RAB8B: variants seen among roughly 807,000 people sequenced by gnomAD.
RAB8B encodes the protein ras-related protein Rab-8B.
In RAB8B, 11 loss-of-function variants were observed where a neutral mutation model predicts 32.0. The ratio of observed to expected loss-of-function variants is 0.34; its 90% CI spans 0.22 to 0.57. The LOEUF (loss-of-function observed/expected upper bound fraction) is 0.57, where lower values mean the gene tolerates loss of function less well. RAB8B is among the 20% of genes least tolerant of loss of function. The pLI, the probability that RAB8B is intolerant of heterozygous loss-of-function variation, is 0.86. For synonymous variants in RAB8B, 103 were observed against 89.6 expected (o/e 1.15, Z -0.85); for missense variants, 190 against 258.5 (o/e 0.73, Z 1.82).
At chr15:63,216,228 ATTAT>A (rs1290862107) in intron 1 of RAB8B, among the ~76,000 whole-genome samples, 1 of 23,270 alleles carries the variant, frequency 4.3e-5, no homozygotes, top group African/African-American at 9.9e-5. Context: ...TAATTAATTA[ATTAT>A]TATTTTTTTT....
rs1485819635 is a variant in RAB8B at position 63,248,063 on chromosome 15, G to T, written c.186-1582G>T. On this transcript the variant is annotated intron_variant, in intron 2 of 7. Transcript: ENST00000321437. This position sits in a 1 kb window ranked among gnomAD's most constrained non-coding sequence, Gnocchi z 4.4. The stretch of plus-strand genomic sequence containing the variant: ...AAATATGGTTAGTCTGCTAAAAAGT[G>T]CTTGCCTTCCATTTCCCCATGATTT... Among the ~76,000 whole-genome samples, 2 of 152,228 alleles carry T rather than the reference G, an allele frequency of 1.3e-5. No individual in the cohort carries two copies. Among genetic ancestry groups the T allele is most frequent in the African/African-American group, 2.4e-5 (1 of 41,456 alleles).
intron 1 of RAB8B, among the ~76,000 whole-genome samples, chr15:63,215,741 A>C (rs1242611482): frequency 2.6e-5 from 4 of 152,172 alleles, no homozygotes; most frequent in Non-Finnish European, 5.9e-5. Context: ...TTGCCCTTAA[A>C]ATTTTACCCT....
intron 3 of RAB8B, 138 bp downstream of exon 3, chr15:63,249,843 A>C: frequency 1.0e-6 from 1 of 996,134 alleles, no homozygotes; most frequent in Non-Finnish European, 1.4e-6. Context: ...GACATTTAAA[A>C]GGTTTTTTGG....
chr15:63,207,291 G>GCA (rs1392310653), intron 1 of RAB8B, among the ~76,000 whole-genome samples: 17 of 152,088 alleles, frequency 1.1e-4, no homozygotes, highest in Admixed American at 1.1e-3. Context: ...GCAGTGCGGG[G>GCA]CACGTATAAG....
intron 2 of RAB8B, 65 bp downstream of exon 2, chr15:63,244,881 A>C: frequency 7.3e-7 from 1 of 1,378,944 alleles, no homozygotes; most frequent in East Asian, 2.3e-5. Flanking sequence ...TTAAATGTGA[A>C]TTGTAATAAG....
intron 1 of RAB8B, among the ~76,000 whole-genome samples, chr15:63,240,245 G>C (rs2038020977): frequency 1.3e-5 from 2 of 152,152 alleles, no homozygotes; most frequent in South Asian, 4.1e-4. Flanking sequence ...TTAGACCAGG[G>C]AGAGATGTTG....
intron 1 of RAB8B, among the ~76,000 whole-genome samples, chr15:63,232,516 T>C (rs980551968): frequency 6.6e-6 from 1 of 152,338 alleles, no homozygotes; most frequent in South Asian, 2.1e-4. Flanking sequence ...GAATTGAATT[T>C]AATTTAGTAA....
rs1398703002 is a variant in RAB8B, at chr15:63,256,487, G to T, written c.325-18G>T. 2 of 1,566,864 alleles carry T rather than the reference G, an allele frequency of 1.3e-6. No homozygotes were observed. Among genetic ancestry groups the T allele is most frequent in the African/African-American group, 2.8e-5 (2 of 72,212 alleles). Reference sequence around the variant, plus strand: ...TTTTCTCAGGCTGTTTTTATAGCATGCTATTTTCTCCCTGCAGCATGCCTC... The same window carrying T: ...TTTTCTCAGGCTGTTTTTATAGCATTCTATTTTCTCCCTGCAGCATGCCTC... On this transcript the variant is annotated intron_variant, in intron 4 of 7. Transcript: ENST00000321437.
At chr15:63,238,795 T>A (rs2038006181) in intron 1 of RAB8B, among the ~76,000 whole-genome samples, 1 of 152,150 alleles carries the variant, frequency 6.6e-6, no homozygotes, top group Non-Finnish European at 1.5e-5. Context: ...AGAGAATGGA[T>A]TTAGATTAAT....
chr15:63,267,495 CTGTT>C lies in RAB8B; in HGVS notation c.*3879_*3882del, dbSNP rs2038258302. The C allele has an allele frequency of 6.6e-6, 1 of 152,186 alleles. No homozygotes were observed. Among genetic ancestry groups the C allele is most frequent in the Admixed American group, 6.5e-5 (1 of 15,292 alleles). The allele number at this position is 152,186 out of a possible 1,614,324, so 9.4% of individuals were successfully genotyped here. A position where few individuals can be genotyped will look rare whatever the true frequency, so the allele number is the denominator to read the frequency against. Reference sequence around the variant, plus strand: ...TTCCTTTCATGCAAAATACCATAAACTGTTTGATGAAAATCATGCCCCTAATGGA... The same window carrying C: ...TTCCTTTCATGCAAAATACCATAAACTGATGAAAATCATGCCCCTAATGGA... On this transcript the variant is annotated 3_prime_UTR_variant, in exon 8 of 8. Transcript: ENST00000321437.
At chr15:63,230,281 T>C (rs751044559) in intron 1 of RAB8B, among the ~76,000 whole-genome samples, 1 of 152,192 alleles carries the variant, frequency 6.6e-6, no homozygotes, top group Admixed American at 6.5e-5. Flanking sequence ...TGTTTGTTTA[T>C]TTTATAATCT....
rs564155318 is a variant in RAB8B, at chr15:63,197,517, G to A, written c.124+7769G>A. Among the ~76,000 whole-genome samples the A allele has an allele frequency of 2.4e-4, 36 of 151,636 alleles. 1 individual carries two copies. The highest frequency in any genetic ancestry group is 1.7e-3 in the Admixed American group (26 of 15,236). ...GCCTCTGGAGTAGCTGGGACCCCGG[G>A]TGCACACTACCATACCTGGTTAATT... On this transcript the variant is annotated intron_variant, in intron 1 of 7. Coordinates refer to ENST00000321437, the MANE Select transcript of RAB8B (RefSeq NM_016530.3).
At chr15:63,249,296 T>C (rs1198545338) in intron 2 of RAB8B, among the ~76,000 whole-genome samples, 1 of 152,212 alleles carries the variant, frequency 6.6e-6, no homozygotes, top group Non-Finnish European at 1.5e-5. Context: ...GGATTATAAC[T>C]ATCTCGGGGA....
rs569769772 is a variant in RAB8B at position 63,258,065 on chromosome 15, C to CA, written c.414+1486dup. Among the ~76,000 whole-genome samples the CA allele has an allele frequency of 5.3e-3, 488 of 91,618 alleles. 2 individuals are homozygous for CA. Among genetic ancestry groups the CA allele is most frequent in the African/African-American group, 0.011 (271 of 24,172 alleles). 60.1% of individuals were successfully genotyped at this position (91,618 alleles called of 152,430 possible). On this transcript the variant is annotated intron_variant, in intron 5 of 7. Transcript: ENST00000321437. ...TGGGCAACAGAGCAAGACTGTGTCT[C>CA]AAAAAAAAAAAAAAAGTAATTAAAA...
intron 2 of RAB8B, among the ~76,000 whole-genome samples, chr15:63,246,198 T>A (rs546717151): frequency 6.6e-6 from 1 of 152,350 alleles, no homozygotes; most frequent in South Asian, 2.1e-4. Flanking sequence ...ATAAACTGTG[T>A]TGTATGTCTA....
In RAB8B at chr15:63,218,839, T is replaced by C. The variant is rs189380119; in HGVS notation, c.125-25917T>C. On this transcript the variant is annotated intron_variant, in intron 1 of 7. Coordinates refer to ENST00000321437, the MANE Select transcript of RAB8B (RefSeq NM_016530.3). ...TCCTTTAAATCTTAGCCTCCCTGCT[T>C]GTTAATATGTTACTTTACTCACAAA... 5.6e-3 allele frequency among the ~76,000 whole-genome samples: 850 copies of C among 152,046 alleles called. 7 individuals are homozygous for C. Among genetic ancestry groups the C allele is most frequent in the African/African-American group, 0.018 (758 of 41,466 alleles).
At position 63,206,625 on chromosome 15, in the gene RAB8B, C is replaced by T. The variant is rs573870868; in HGVS notation, c.124+16877C>T. ...GGGACCTGGCCCTGGCAGTCATTCC[C>T]CTCCTCTCCTCCGTCATCTGTCTTC... On this transcript the variant is annotated intron_variant, in intron 1 of 7. Transcript: ENST00000321437. Among the ~76,000 whole-genome samples the T allele has an allele frequency of 5.5e-4, 83 of 152,144 alleles. 1 individual carries two copies. The South Asian group carries it at 0.017, about 31-fold the overall frequency.
In RAB8B at chr15:63,212,581, C is replaced by G. The variant is rs537589940; in HGVS notation, c.124+22833C>G. On this transcript the variant is annotated intron_variant, in intron 1 of 7. Coordinates refer to ENST00000321437, the MANE Select transcript of RAB8B (RefSeq NM_016530.3). ...AAATGTAGTAAAGTAAAAAGTGATT[C>G]ATATAACTAGATAGGGGAAAGGAAA... 4.2e-4 allele frequency among the ~76,000 whole-genome samples: 64 copies of G among 152,186 alleles called. 1 individual carries two copies. The South Asian group carries it at 8.5e-3, about 20-fold the overall frequency.
chr15:63,224,339 T>C (rs1012510208), intron 1 of RAB8B, among the ~76,000 whole-genome samples: 2 of 152,232 alleles, frequency 1.3e-5, no homozygotes, highest in African/African-American at 4.8e-5. Flanking sequence ...ATTTGACCAC[T>C]GATAATACCC....
Sources: gnomAD v4.1 joint callset for allele counts (sites outside exome capture counted in the v4.1 genomes callset) on GRCh38, gnomAD v4.1.1 for gene constraint, Gnocchi (gnomAD v3.1) non-coding constraint, MANE v1.5 for transcripts, NCBI Gene and HGNC (gene_info 2026-07-23, HGNC 2026-07-21) for gene names.